Variants in WNT5A observed in about 807,000 individuals in gnomAD.
WNT5A encodes the protein Wnt family member 5A, also known as protein Wnt-5a.
In WNT5A, 9 loss-of-function variants were observed where a neutral mutation model predicts 42.1. That is an observed-to-expected ratio of 0.21 (90% CI 0.13 to 0.37). The LOEUF is 0.37. WNT5A is among the 10% of genes least tolerant of loss of function. WNT5A has a pLI of 1.00. For synonymous variants in WNT5A, 210 were observed against 210.0 expected, an observed-to-expected ratio of 1.00 and a Z score of 0.00; for missense variants, 426 against 534.0, an observed-to-expected ratio of 0.80 and a Z score of 1.99.
At chr3:55,492,153 T>C (rs1401262642), upstream of WNT5A, among the ~76,000 whole-genome samples, 2 of 151,876 alleles carry the variant, frequency 1.3e-5, no homozygotes, top group Admixed American at 6.5e-5. Flanking sequence ...AGGGTGTCCT[T>C]TCCTTATATA....
At chr3:55,480,700 C>A in intron 2 of WNT5A, 85 bp downstream of exon 2, 1 of 1,369,184 alleles carries the variant, frequency 7.3e-7, no homozygotes, top group Non-Finnish European at 9.7e-7. Context: ...CACTCACTAT[C>A]CAGCATTAAA....
chr3:55,476,024 T>G (rs965509755), intron 3 of WNT5A, among the ~76,000 whole-genome samples: 12 of 152,180 alleles, frequency 7.9e-5, no homozygotes, highest in African/African-American at 2.7e-4. Flanking sequence ...GTGCTGAAAT[T>G]CATGTACCGC....
intron 1 of WNT5A, among the ~76,000 whole-genome samples, chr3:55,486,326 T>C (rs1001116159): frequency 1.3e-5 from 2 of 152,070 alleles, no homozygotes; most frequent in African/African-American, 4.8e-5. Flanking sequence ...CTAATAATGC[T>C]AATAACGCGA....
the WNT5A span, among the ~76,000 whole-genome samples, chr3:55,504,012 C>G: frequency 1.3e-5 from 2 of 152,218 alleles, no homozygotes; most frequent in African/African-American, 2.4e-5. Flanking sequence ...TGGCTCACAC[C>G]TGTAATTTCA....
upstream of WNT5A, chr3:55,493,756 A>G (rs2051686697): frequency 6.6e-6 from 1 of 152,258 alleles, no homozygotes; most frequent in Non-Finnish European, 1.5e-5. Context: ...ACCTATAAAT[A>G]AAAACAAAAC....
Position 55,479,414 on chromosome 3 carries a change from C to G in WNT5A, c.291G>C (p.Ala97=). The G allele has an allele frequency of 6.2e-7, 1 of 1,614,008 alleles. No homozygotes were observed. Reference sequence around the variant, plus strand: ...ACTGGCATTCTTTGATGCCTGTCTTCGCGCCTTCTCCGATGTACTGCATGT... The same window carrying G: ...ACTGGCATTCTTTGATGCCTGTCTTGGCGCCTTCTCCGATGTACTGCATGT... The part of the protein sequence containing the change: ...QDHMQYIGEG[A]KTGIKECQYQ... Residue 97 remains alanine, a synonymous_variant, in exon 3 of 5, where the codon GCG becomes GCC. Coordinates refer to ENST00000264634, the MANE Select transcript of WNT5A (RefSeq NM_003392.7).
chr3:55,504,407 C>T, the WNT5A span, among the ~76,000 whole-genome samples: 1 of 151,998 alleles, frequency 6.6e-6, no homozygotes, highest in Non-Finnish European at 1.5e-5. Flanking sequence ...CCTTAGTTTT[C>T]CAACCCCTGT....
rs1484377137 is a variant in WNT5A, at chr3:55,468,611, G to C, written c.*1481C>G. The C allele has an allele frequency of 6.6e-6, 1 of 150,574 alleles. No homozygotes were observed. Among genetic ancestry groups the C allele is most frequent in the Middle Eastern group, 3.2e-3 (1 of 308 alleles). The allele number at this position is 150,574 out of a possible 1,614,324, so 9.3% of individuals were successfully genotyped here. A position where few individuals can be genotyped will look rare whatever the true frequency, so the allele number is the denominator to read the frequency against. On this transcript the variant is annotated 3_prime_UTR_variant, in exon 5 of 5. Transcript: ENST00000264634. ...AGTAAACTGTAAATCTAAATCACTG[G>C]CTGCAATGAGATATATTTATATTTA...
At chr3:55,486,941 G>A (rs769497748) in intron 1 of WNT5A, 39 bp downstream of exon 1, 4 of 1,512,114 alleles carry the variant, frequency 2.6e-6, no homozygotes, top group Non-Finnish European at 3.6e-6. Context: ...GGGGTGGGGG[G>A]AAGTAAAGAA....
chr3:55,498,176 C>T, the WNT5A span, among the ~76,000 whole-genome samples: 1 of 152,194 alleles, frequency 6.6e-6, no homozygotes, highest in Non-Finnish European at 1.5e-5. Context: ...CCTTATGTGA[C>T]AGCCGTCACT....
Position 55,483,974 on chromosome 3 carries a change from A to G in WNT5A, c.6+3006T>C, listed in dbSNP as rs1049951228. ...TCCGCAGGCAGTCCCTTAAGAGAAT[A>G]GATAAAAAGGCCAAGCAAAGATCCT... On this transcript the variant is annotated intron_variant, in intron 1 of 4. Coordinates refer to ENST00000264634, the MANE Select transcript of WNT5A (RefSeq NM_003392.7). The surrounding 1 kb of genome is among the most constrained non-coding windows in gnomAD (Gnocchi z 4.2). Among the ~76,000 whole-genome samples, 1 of 151,956 alleles carries G rather than the reference A, an allele frequency of 6.6e-6. No individual in the cohort carries two copies. The highest frequency in any genetic ancestry group is 2.4e-5 in the African/African-American group (1 of 41,374).
the WNT5A span, among the ~76,000 whole-genome samples, chr3:55,504,371 C>T: frequency 6.6e-6 from 1 of 152,008 alleles, no homozygotes; most frequent in Non-Finnish European, 1.5e-5. Context: ...CAGAAGAAAC[C>T]CTGAAGCCTA....
chr3:55,482,279 C>T (rs2051481176), intron 1 of WNT5A, among the ~76,000 whole-genome samples: 1 of 152,210 alleles, frequency 6.6e-6, no homozygotes, highest in Admixed American at 6.5e-5. Context: ...CGCTGCCGTT[C>T]CTCCCCACTG....
At chr3:55,470,865 T>A (rs2051238126) in intron 4 of WNT5A, among the ~76,000 whole-genome samples, 1 of 152,146 alleles carries the variant, frequency 6.6e-6, no homozygotes, top group African/African-American at 2.4e-5. Context: ...TGGACACTCA[T>A]CCCAGAGGTT....
intron 4 of WNT5A, among the ~76,000 whole-genome samples, chr3:55,473,811 G>A (rs1376057861): frequency 2.6e-5 from 4 of 151,956 alleles, no homozygotes; most frequent in African/African-American, 9.7e-5. Flanking sequence ...CACCTACGAA[G>A]ACAGAAAAAT....
At chr3:55,496,490 T>C in the WNT5A span, among the ~76,000 whole-genome samples, 1 of 152,188 alleles carries the variant, frequency 6.6e-6, no homozygotes. Context: ...AAGTGAATAA[T>C]AGCAAAGGAT....
At chr3:55,484,793 G>A (rs1227106579) in intron 1 of WNT5A, among the ~76,000 whole-genome samples, 1 of 152,134 alleles carries the variant, frequency 6.6e-6, no homozygotes, top group African/African-American at 2.4e-5. Context: ...ACTTTGTCCA[G>A]AGGTGGAGCA....
At chr3:55,480,425 T>G (rs907403886) in intron 2 of WNT5A, among the ~76,000 whole-genome samples, 1 of 152,200 alleles carries the variant, frequency 6.6e-6, no homozygotes, top group African/African-American at 2.4e-5. Flanking sequence ...GAAACTCACT[T>G]TTACTACCTA....
In WNT5A at chr3:55,466,651, A is replaced by T. The variant is rs541456040; in HGVS notation, c.*3441T>A. On this transcript the variant is annotated 3_prime_UTR_variant, in exon 5 of 5. Transcript: ENST00000264634. ...CTCTTTTGCTGCTGCCTATATATAA[A>T]TTTTTTATTAATTTTCTTGTATTGG... 1 of 152,618 alleles carries T rather than the reference A, an allele frequency of 6.6e-6. No homozygotes were observed. Among genetic ancestry groups the T allele is most frequent in the African/African-American group, 2.4e-5 (1 of 41,540 alleles). The allele number at this position is 152,618 out of a possible 1,614,324, so 9.5% of individuals were successfully genotyped here.
Sources: gnomAD v4.1 joint callset for allele counts (sites outside exome capture counted in the v4.1 genomes callset) on GRCh38, gnomAD v4.1.1 for gene constraint, Gnocchi (gnomAD v3.1) non-coding constraint, MANE v1.5 for transcripts, NCBI Gene and HGNC (gene_info 2026-07-23, HGNC 2026-07-21) for gene names.